The following CTNNA3 variants were observed in gnomAD, a reference collection of about 807,000 sequenced individuals.
The protein encoded by CTNNA3 is catenin alpha 3, also known as catenin alpha-3.
CTNNA3 carries 76 observed loss-of-function variants against 95.7 expected under a neutral mutation model. The ratio of observed to expected loss-of-function variants is 0.79; its 90% CI spans 0.66 to 0.96. The LOEUF (loss-of-function observed/expected upper bound fraction) is 0.96. Ranked by LOEUF, CTNNA3 falls within the 40% of genes least tolerant of loss-of-function variation. The pLI, the probability that CTNNA3 is intolerant of heterozygous loss-of-function variation, is 0.00. For missense variants in CTNNA3, 1,191 were observed against 1,089.8 expected, an observed-to-expected ratio of 1.09 and a Z score of -1.31; for synonymous variants, 431 against 374.4, an observed-to-expected ratio of 1.15 and a Z score of -1.74.
chr10:66,184,714 A>G (rs2086239075), intron 13 of CTNNA3, among the ~76,000 whole-genome samples: 1 of 152,160 alleles, frequency 6.6e-6, no homozygotes, highest in Admixed American at 6.5e-5. Flanking sequence ...CTTTTAGCCA[A>G]TGTTGTGCTT....
At chr10:67,581,633 G>A (rs910058302) in intron 3 of CTNNA3, among the ~76,000 whole-genome samples, 1 of 152,190 alleles carries the variant, frequency 6.6e-6, no homozygotes, top group Non-Finnish European at 1.5e-5. Context: ...CAGAAGGAAT[G>A]GTACCAGCTC....
At chr10:67,262,049 G>A (rs573578927) in intron 5 of CTNNA3, among the ~76,000 whole-genome samples, 1 of 151,866 alleles carries the variant, frequency 6.6e-6, no homozygotes, top group East Asian at 1.9e-4. Context: ...GTATAATATT[G>A]TACAATAATA....
intron 3 of CTNNA3, among the ~76,000 whole-genome samples, chr10:67,581,728 A>G (rs1232411947): frequency 1.3e-5 from 2 of 152,126 alleles, no homozygotes; most frequent in African/African-American, 4.8e-5. Context: ...TTATTGCCTC[A>G]ATTTCAGAGC....
chr10:66,873,930 A>T (rs539570962), intron 7 of CTNNA3, among the ~76,000 whole-genome samples: 12 of 152,108 alleles, frequency 7.9e-5, no homozygotes, highest in Non-Finnish European at 1.5e-4. Flanking sequence ...GTTAGTCTGG[A>T]TTCTCCAAGA....
chr10:66,958,910 A>T (rs771333914), intron 7 of CTNNA3, among the ~76,000 whole-genome samples: 7 of 152,164 alleles, frequency 4.6e-5, no homozygotes, highest in Non-Finnish European at 1.0e-4. Context: ...AGTTCCCTTT[A>T]TAGGTCAGAT....
At chr10:67,031,734 G>C (rs977988591) in intron 7 of CTNNA3, among the ~76,000 whole-genome samples, 4 of 152,108 alleles carry the variant, frequency 2.6e-5, no homozygotes, top group Non-Finnish European at 5.9e-5. Context: ...CAAAGATAAT[G>C]TAATTCTTGT....
intron 11 of CTNNA3, among the ~76,000 whole-genome samples, chr10:66,509,121 T>C (rs1445399900): frequency 6.6e-6 from 1 of 152,150 alleles, no homozygotes; most frequent in Non-Finnish European, 1.5e-5. Context: ...GGTTTTGATT[T>C]GCATTTCCCT....
intron 7 of CTNNA3, among the ~76,000 whole-genome samples, chr10:66,845,738 G>T (rs567293951): frequency 3.2e-5 from 1 of 30,896 alleles, no homozygotes; most frequent in Non-Finnish European, 8.3e-5. Context: ...AACTAAAAAG[G>T]TGAGATATAT....
chr10:65,948,337 C>T (rs964996528), intron 17 of CTNNA3, among the ~76,000 whole-genome samples: 2 of 146,812 alleles, frequency 1.4e-5, no homozygotes, highest in East Asian at 2.0e-4. Context: ...TGCATGCACA[C>T]CCCCCCCAAC....
Position 67,647,427 on chromosome 10 carries a change from A to G in CTNNA3, c.87T>C (p.Pro29=), listed in dbSNP as rs771834462. The change falls in exon 2 of 18, where the codon CCT becomes CCC. Residue 29 remains proline (P), a synonymous_variant. Coordinates refer to ENST00000433211, the MANE Select transcript of CTNNA3 (RefSeq NM_013266.4). ...ATGGTATTAATACCTGGATTATGAG[A>G]GGCTCCAGTAGCTTCTCCACGGTGA... ...QTFTVEKLLE[P]LIIQVTTLVN... The G allele has an allele frequency of 6.2e-7, 1 of 1,612,312 alleles. No individual in the cohort carries two copies. The highest frequency in any genetic ancestry group is 8.5e-7 in the Non-Finnish European group (1 of 1,178,746).
intron 1 of CTNNA3, among the ~76,000 whole-genome samples, chr10:67,741,346 C>CAAAAAAAAAAA (rs542236311): frequency 7.8e-6 from 1 of 128,546 alleles, no homozygotes; most frequent in East Asian, 2.2e-4. Context: ...AAAAAAAGAA[C>CAAAAAAAAAAA]AAAAAAAAAA....
intron 10 of CTNNA3, among the ~76,000 whole-genome samples, chr10:66,542,940 A>T (rs1456848890): frequency 2.6e-5 from 4 of 152,112 alleles, no homozygotes; most frequent in Admixed American, 1.3e-4. Flanking sequence ...GCAGACTTTA[A>T]AATAGAAATT....
chr10:66,930,366 C>A lies in CTNNA3; in HGVS notation c.1048-154842G>T, dbSNP rs552297076. The stretch of plus-strand genomic sequence containing the variant: ...AATGCAGATACTTCCTCACAGCTTA[C>A]TGGATGACTGAGCTTATTGTGATTT... On this transcript the variant is annotated intron_variant, in intron 7 of 17. Transcript: ENST00000433211. Among the ~76,000 whole-genome samples, 4 of 152,276 alleles carry A rather than the reference C, an allele frequency of 2.6e-5. No individual in the cohort carries two copies. In the South Asian group the frequency reaches 8.3e-4, roughly 32 times the overall value.
intron 7 of CTNNA3, among the ~76,000 whole-genome samples, chr10:66,982,207 C>A (rs1589542888): frequency 6.6e-6 from 1 of 152,266 alleles, no homozygotes; most frequent in East Asian, 1.9e-4. Context: ...AGAGAATGAG[C>A]CCCTTTAAGG....
intron 17 of CTNNA3, among the ~76,000 whole-genome samples, chr10:65,947,081 C>G (rs75004767): frequency 0.15 from 19,327 of 130,032 alleles, 1,561 homozygotes; most frequent in East Asian, 0.24. Flanking sequence ...CAGCCTAAGT[C>G]TTTTGTTTGT....
chr10:66,433,813 G>C (rs1394083584), intron 11 of CTNNA3, among the ~76,000 whole-genome samples: 1 of 151,942 alleles, frequency 6.6e-6, no homozygotes, highest in Non-Finnish European at 1.5e-5. Flanking sequence ...TTGAGTTAAT[G>C]TTTGTATTAG....
intron 10 of CTNNA3, among the ~76,000 whole-genome samples, chr10:66,621,192 A>C (rs1017524791): frequency 2.0e-5 from 3 of 152,202 alleles, no homozygotes; most frequent in African/African-American, 7.2e-5. Flanking sequence ...ATAAATAATT[A>C]CTAAAAATAA....
At chr10:66,891,771 T>C (rs1450416934) in intron 7 of CTNNA3, among the ~76,000 whole-genome samples, 1 of 152,138 alleles carries the variant, frequency 6.6e-6, no homozygotes, top group Non-Finnish European at 1.5e-5. Flanking sequence ...ATTGTATGTA[T>C]ATAAAGCTTA....
At chr10:67,615,916 G>A (rs1033924253) in intron 2 of CTNNA3, among the ~76,000 whole-genome samples, 2 of 151,958 alleles carry the variant, frequency 1.3e-5, no homozygotes, top group African/African-American at 4.8e-5. Context: ...CACCTGCCTC[G>A]GCCTCTCAAA....
Sources: gnomAD v4.1 joint callset for allele counts (sites outside exome capture counted in the v4.1 genomes callset) on GRCh38, gnomAD v4.1.1 for gene constraint, MANE v1.5 for transcripts, NCBI Gene and HGNC (gene_info 2026-07-23, HGNC 2026-07-21) for gene names.